The following EYS variants were observed in gnomAD, a reference collection of about 807,000 sequenced individuals.
EYS encodes the protein protein eyes shut homolog.
Under a neutral mutation model 282.1 loss-of-function variants are expected in EYS, and 250 were observed. That is an observed-to-expected ratio of 0.89 (90% confidence interval 0.80 to 0.98). EYS has a LOEUF of 0.98. Among genes scored for constraint, EYS ranks in the 50% least tolerant of loss-of-function variants. The pLI, the probability that EYS is intolerant of heterozygous loss-of-function variation, is 0.00. For synonymous variants in EYS, 1,355 were observed against 1,282.9 expected (o/e 1.06, Z -1.20); for missense variants, 4,016 against 3,709.0 (o/e 1.08, Z -2.15).
intron 26 of EYS, among the ~76,000 whole-genome samples, chr6:64,463,266 T>C (rs1475142727): frequency 6.6e-6 from 1 of 152,114 alleles, no homozygotes; most frequent in East Asian, 1.9e-4. Flanking sequence ...GCTTTAAAGG[T>C]ACATCCAAAA....
Position 64,591,549 on chromosome 6 carries a change from T to TG in EYS, c.4317dup (p.Arg1440GlnfsTer24). 1 of 1,551,282 alleles carries TG rather than the reference T, an allele frequency of 6.4e-7. No homozygotes were observed. Among genetic ancestry groups the TG allele is most frequent in the Non-Finnish European group, 8.7e-7 (1 of 1,146,736 alleles). On this transcript the variant is annotated frameshift_variant, in exon 26 of 43. Coordinates refer to ENST00000503581, the MANE Select transcript of EYS (RefSeq NM_001142800.2). LOFTEE classifies it high-confidence loss of function. ...AATCCACGGGAGAGTAATGACTGCCTGTTTAGCTCAATATCAGCCCCTGGA... is the reference window on the plus strand; with the variant it reads ...AATCCACGGGAGAGTAATGACTGCCTGGTTTAGCTCAATATCAGCCCCTGGA...
intron 22 of EYS, among the ~76,000 whole-genome samples, chr6:64,755,497 T>TACAGACACAC (rs1485167795): frequency 2.6e-4 from 36 of 138,914 alleles, no homozygotes; most frequent in Non-Finnish European, 1.4e-4. Flanking sequence ...AGAACATACA[T>TACAGACACAC]ACACACACAC....
intron 11 of EYS, among the ~76,000 whole-genome samples, chr6:65,323,603 C>T (rs1482878542): frequency 7.6e-6 from 1 of 131,474 alleles, no homozygotes; most frequent in Non-Finnish European, 1.6e-5. Context: ...CTTCATGTTA[C>T]TGATGAGGGA....
intron 26 of EYS, among the ~76,000 whole-genome samples, chr6:64,554,916 T>C (rs1000567136): frequency 2.0e-5 from 3 of 151,972 alleles, no homozygotes; most frequent in Non-Finnish European, 2.9e-5. Context: ...CCTTGGACAT[T>C]ATTAATGAGA....
chr6:64,655,225 A>G (rs1342205107), intron 22 of EYS, among the ~76,000 whole-genome samples: 1 of 152,156 alleles, frequency 6.6e-6, no homozygotes, highest in Non-Finnish European at 1.5e-5. Context: ...TTTCTGTTAC[A>G]TTAAGACCTA....
intron 28 of EYS, among the ~76,000 whole-genome samples, chr6:64,402,427 T>C (rs1582706765): frequency 6.6e-6 from 1 of 152,326 alleles, no homozygotes; most frequent in Non-Finnish European, 1.5e-5. Context: ...AAAAACTGTG[T>C]TCCTAGAAAT....
chr6:65,559,925 T>C (rs576368815), intron 2 of EYS, among the ~76,000 whole-genome samples: 52 of 151,574 alleles, frequency 3.4e-4, no homozygotes, highest in Non-Finnish European at 5.9e-4. Flanking sequence ...AAGATTTTTA[T>C]TGCAGTCTTA....
chr6:64,592,041 C>A, intron 25 of EYS, 52 bp from the exon 26 acceptor site: 3 of 1,332,836 alleles, frequency 2.3e-6, no homozygotes. Flanking sequence ...CAGAAACGAA[C>A]CACTTTGGCA....
At chr6:65,529,747 T>G (rs933982662) in intron 2 of EYS, among the ~76,000 whole-genome samples, 15 of 152,260 alleles carry the variant, frequency 9.9e-5, no homozygotes, top group Admixed American at 4.6e-4. Flanking sequence ...GTAATAATCA[T>G]TACAGCCCTC....
At chr6:64,969,332 G>A (rs1770210634) in intron 14 of EYS, among the ~76,000 whole-genome samples, 2 of 152,166 alleles carry the variant, frequency 1.3e-5, no homozygotes, top group Admixed American at 1.3e-4. Context: ...ACCAGAGAAT[G>A]TCTTTGCAAA....
At chr6:65,699,136 T>C (rs1769563613) in intron 1 of EYS, among the ~76,000 whole-genome samples, 1 of 152,206 alleles carries the variant, frequency 6.6e-6, no homozygotes, top group Admixed American at 6.5e-5. Context: ...GTGAAAATAA[T>C]TTTAATTTAT....
chr6:65,625,243 G>T (rs1266029948), intron 2 of EYS, among the ~76,000 whole-genome samples: 1 of 152,126 alleles, frequency 6.6e-6, no homozygotes, highest in Non-Finnish European at 1.5e-5. Context: ...TATATTCCCC[G>T]AAAAGCCATG....
At chr6:65,324,269 A>G (rs937488833) in intron 11 of EYS, among the ~76,000 whole-genome samples, 2 of 152,058 alleles carry the variant, frequency 1.3e-5, no homozygotes, top group African/African-American at 4.8e-5. Context: ...CTCCTGCAAG[A>G]ATGTTACTGT....
intron 12 of EYS, among the ~76,000 whole-genome samples, chr6:65,234,607 A>G (rs376197013): frequency 6.6e-6 from 1 of 152,188 alleles, no homozygotes; most frequent in African/African-American, 2.4e-5. Context: ...TTTCTTACCA[A>G]TCACTACAGT....
At chr6:64,133,954 G>C (rs1359888832) in intron 31 of EYS, among the ~76,000 whole-genome samples, 1 of 151,960 alleles carries the variant, frequency 6.6e-6, no homozygotes. Flanking sequence ...TCTCTGAAGT[G>C]GTGATCTTTG....
chr6:64,217,043 G>T (rs1342970229), intron 31 of EYS, among the ~76,000 whole-genome samples: 1 of 152,168 alleles, frequency 6.6e-6, no homozygotes, highest in African/African-American at 2.4e-5. Context: ...AACATAAAAT[G>T]AATGGAGAAT....
At chr6:64,298,224 G>T (rs1769107455) in intron 30 of EYS, among the ~76,000 whole-genome samples, 1 of 151,998 alleles carries the variant, frequency 6.6e-6, no homozygotes, top group Non-Finnish European at 1.5e-5. Flanking sequence ...TCTAATAATT[G>T]TTTTCTAAAT....
intron 19 of EYS, among the ~76,000 whole-genome samples, chr6:64,861,464 T>C (rs1184624594): frequency 6.6e-6 from 1 of 152,096 alleles, no homozygotes; most frequent in Non-Finnish European, 1.5e-5. Context: ...TCCACAGCCA[T>C]GGCTTGGGTG....
intron 35 of EYS, among the ~76,000 whole-genome samples, chr6:63,917,517 C>T (rs1412393905): frequency 6.6e-6 from 1 of 152,162 alleles, no homozygotes; most frequent in African/African-American, 2.4e-5. Flanking sequence ...TGTACTTGAC[C>T]AACCCCAGTT....
Sources: allele counts gnomAD v4.1 joint callset (sites outside exome capture counted in the v4.1 genomes callset), GRCh38; gene constraint gnomAD v4.1.1; transcripts MANE v1.5; gene names NCBI Gene and HGNC (gene_info 2026-07-23, HGNC 2026-07-21).